LRP1B: variants seen among roughly 807,000 people sequenced by gnomAD.
LRP1B encodes the protein LDL receptor related protein 1B, also known as low-density lipoprotein receptor-related protein 1B.
LRP1B carries 217 observed loss-of-function variants against 556.6 expected under a neutral mutation model. The ratio of observed to expected loss-of-function variants is 0.39; its 90% CI spans 0.35 to 0.44. LRP1B has a LOEUF of 0.44. LRP1B is among the 20% of genes least tolerant of loss of function. The pLI is 1.00. For missense variants in LRP1B, 5,053 were observed against 5,620.8 expected (o/e 0.90, Z 3.23); for synonymous variants, 2,047 against 1,865.8 (o/e 1.10, Z -2.50).
At chr2:140,859,019 CA>C (rs1692704720) in intron 27 of LRP1B, among the ~76,000 whole-genome samples, 1 of 152,034 alleles carries the variant, frequency 6.6e-6, no homozygotes, top group African/African-American at 2.4e-5. Flanking sequence ...AGGGTTTCAC[CA>C]TGTTGCCCAG....
intron 2 of LRP1B, among the ~76,000 whole-genome samples, chr2:141,655,328 A>G (rs1249726470): frequency 6.6e-6 from 1 of 152,164 alleles, no homozygotes; most frequent in Non-Finnish European, 1.5e-5. Context: ...ATAAGGAAGG[A>G]GGAGAGTCAT....
chr2:140,677,841 A>C (rs1685724831), intron 41 of LRP1B, among the ~76,000 whole-genome samples: 1 of 147,360 alleles, frequency 6.8e-6, no homozygotes, highest in Admixed American at 7.0e-5. Flanking sequence ...GTGCTATTGC[A>C]CTCCAGTCTG....
rs58336400 is a variant in LRP1B, at chr2:141,916,541, C to CT, written c.83-106141dup. ...CACCATGCCTGGCTAATTTTTTGAACTTTTTTTTTTTTTTTTTTTTTAAGT... is the reference window on the plus strand; with the variant it reads ...CACCATGCCTGGCTAATTTTTTGAACTTTTTTTTTTTTTTTTTTTTTTAAGT... On this transcript the variant is annotated intron_variant, in intron 1 of 90. Transcript: ENST00000389484. Among the ~76,000 whole-genome samples, 912 of 124,678 alleles carry CT rather than the reference C, an allele frequency of 7.3e-3. 10 individuals are homozygous for CT. Among genetic ancestry groups the CT allele is most frequent in the African/African-American group, 0.026 (825 of 32,338 alleles). The allele number at this position is 124,678 out of a possible 152,430, so 81.8% of individuals were successfully genotyped here.
chr2:141,731,004 T>C (rs2105518511), intron 2 of LRP1B, among the ~76,000 whole-genome samples: 1 of 152,228 alleles, frequency 6.6e-6, no homozygotes, highest in Non-Finnish European at 1.5e-5. Context: ...GAACCAGGTA[T>C]AGTGTGGTGA....
At chr2:141,429,078 A>G (rs1680474698) in intron 3 of LRP1B, among the ~76,000 whole-genome samples, 1 of 152,152 alleles carries the variant, frequency 6.6e-6, no homozygotes, top group South Asian at 2.1e-4. Flanking sequence ...AAAAATTACT[A>G]TAGAGGTATT....
chr2:140,832,901 A>G (rs1462214115), intron 31 of LRP1B, among the ~76,000 whole-genome samples: 1 of 152,114 alleles, frequency 6.6e-6, no homozygotes, highest in African/African-American at 2.4e-5. Flanking sequence ...CCCAATGTAA[A>G]GAAAAGTTAC....
intron 3 of LRP1B, among the ~76,000 whole-genome samples, chr2:141,302,048 A>T (rs1209501228): frequency 6.6e-6 from 1 of 152,136 alleles, no homozygotes; most frequent in Non-Finnish European, 1.5e-5. Flanking sequence ...CAATAAAAAC[A>T]AACAAGTAAG....
At chr2:140,603,196 T>C (rs1682740174) in intron 41 of LRP1B, among the ~76,000 whole-genome samples, 2 of 152,006 alleles carry the variant, frequency 1.3e-5, no homozygotes, top group Admixed American at 6.6e-5. Flanking sequence ...TACAAGGTAT[T>C]AATGAGGGTG....
At chr2:141,098,599 TATG>T (rs1700379649) in intron 7 of LRP1B, among the ~76,000 whole-genome samples, 1 of 152,214 alleles carries the variant, frequency 6.6e-6, no homozygotes, top group Non-Finnish European at 1.5e-5. Context: ...TTCAGTGGTC[TATG>T]ATGATTAAAG....
At chr2:141,474,336 A>G (rs2105076409) in intron 3 of LRP1B, among the ~76,000 whole-genome samples, 1 of 152,340 alleles carries the variant, frequency 6.6e-6, no homozygotes, top group Middle Eastern at 3.4e-3. Flanking sequence ...ATGGTGAATC[A>G]TTACAGAAAA....
At chr2:142,102,069 T>A (rs1299112945) in intron 1 of LRP1B, among the ~76,000 whole-genome samples, 1 of 151,962 alleles carries the variant, frequency 6.6e-6, no homozygotes, top group East Asian at 1.9e-4. Flanking sequence ...GATGCTACAT[T>A]ATGATAGTAT....
chr2:141,133,290 C>CTTTT (rs3063810), intron 7 of LRP1B, among the ~76,000 whole-genome samples: 1,855 of 137,186 alleles, frequency 0.014, 62 homozygotes, highest in African/African-American at 0.048. Flanking sequence ...TGTAACGTCT[C>CTTTT]TTTTTTTTTT....
intron 3 of LRP1B, among the ~76,000 whole-genome samples, chr2:141,414,079 T>C (rs1690970948): frequency 6.6e-6 from 1 of 151,000 alleles, no homozygotes; most frequent in African/African-American, 2.4e-5. Context: ...CTACTAAAAA[T>C]ACAAAAAATT....
At chr2:141,266,234 G>T (rs1684882505) in intron 3 of LRP1B, among the ~76,000 whole-genome samples, 1 of 149,570 alleles carries the variant, frequency 6.7e-6, no homozygotes, top group South Asian at 2.1e-4. Flanking sequence ...TGAGACAGAA[G>T]AATGGCGTGA....
At chr2:141,300,712 G>T (rs927395913) in intron 3 of LRP1B, among the ~76,000 whole-genome samples, 3 of 152,266 alleles carry the variant, frequency 2.0e-5, no homozygotes, top group African/African-American at 4.8e-5. Context: ...TGTAGGACGT[G>T]CATGCTTCAC....
chr2:141,272,201 A>G (rs993211460), intron 3 of LRP1B, among the ~76,000 whole-genome samples: 3 of 152,110 alleles, frequency 2.0e-5, no homozygotes, highest in African/African-American at 7.2e-5. Flanking sequence ...GAGAGAATAG[A>G]GTTATTTATA....
At chr2:141,630,762 A>C (rs1688877081) in intron 2 of LRP1B, among the ~76,000 whole-genome samples, 1 of 152,226 alleles carries the variant, frequency 6.6e-6, no homozygotes, top group Non-Finnish European at 1.5e-5. Flanking sequence ...GGGTGTTGAA[A>C]TCAATGTCTT....
At chr2:141,372,537 A>T (rs774287398) in intron 3 of LRP1B, among the ~76,000 whole-genome samples, 4 of 150,690 alleles carry the variant, frequency 2.7e-5, no homozygotes, top group Non-Finnish European at 5.9e-5. Context: ...TAAGGGGAGG[A>T]TTTTTTTTTA....
chr2:140,689,803 A>G (rs898346719), intron 41 of LRP1B, among the ~76,000 whole-genome samples: 5 of 152,194 alleles, frequency 3.3e-5, no homozygotes, highest in African/African-American at 1.2e-4. Context: ...TTCAAGTTTT[A>G]TAACAAAGAT....
Sources: gnomAD v4.1 joint callset for allele counts (sites outside exome capture counted in the v4.1 genomes callset) on GRCh38, gnomAD v4.1.1 for gene constraint, MANE v1.5 for transcripts, NCBI Gene and HGNC (gene_info 2026-07-23, HGNC 2026-07-21) for gene names.